TSC22D3: variants seen among roughly 807,000 people sequenced by gnomAD.
The protein encoded by TSC22D3 is TSC22 domain family protein 3.
TSC22D3 carries 4 observed loss-of-function variants against 11.1 expected under a neutral mutation model. The ratio of observed to expected loss-of-function variants is 0.36; its 90% CI spans 0.18 to 0.83. TSC22D3 has a LOEUF of 0.83. Among genes scored for constraint, TSC22D3 ranks in the 40% least tolerant of loss-of-function variants. The pLI is 0.48. For synonymous variants in TSC22D3, 77 were observed against 70.3 expected (o/e 1.10, Z -0.48); for missense variants, 118 against 159.4 (o/e 0.74, Z 1.40).
At chrX:107,723,442 C>T (rs1927455847) in intron 1 of TSC22D3, among the ~76,000 whole-genome samples, 1 of 112,572 alleles carries the variant, frequency 8.9e-6, no homozygotes, top group South Asian at 3.6e-4. Context: ...CTCCTCTCAG[C>T]CTTATACTTA....
intron 1 of TSC22D3, among the ~76,000 whole-genome samples, chrX:107,718,182 G>A (rs1287156286): frequency 1.8e-5 from 2 of 111,960 alleles, no homozygotes; most frequent in African/African-American, 3.3e-5. Context: ...TCAAGCTGAG[G>A]GAAAAAAAAT....
chrX:107,717,976 A>G (rs1475818685), intron 1 of TSC22D3, among the ~76,000 whole-genome samples: 1 of 112,181 alleles, frequency 8.9e-6, no homozygotes, highest in African/African-American at 3.2e-5. Context: ...AGCGAATGAC[A>G]ATAACACTCC....
intron 1 of TSC22D3, among the ~76,000 whole-genome samples, chrX:107,743,667 G>T (rs184844724): frequency 1.8e-5 from 2 of 112,273 alleles, no homozygotes; most frequent in African/African-American, 6.5e-5. Flanking sequence ...GCTGGGCCAG[G>T]TGGGCATCAC....
Position 107,714,432 on chromosome X carries a change from A to C in TSC22D3, c.*87T>G. The C allele has an allele frequency of 1.2e-6, 1 of 864,781 alleles. No homozygotes were observed. Among genetic ancestry groups the C allele is most frequent in the Non-Finnish European group, 1.6e-6 (1 of 618,597 alleles). The allele number at this position is 864,781 out of a possible 1,213,427, so 71.3% of individuals were successfully genotyped here. On this transcript the variant is annotated 3_prime_UTR_variant, in exon 3 of 3. Coordinates refer to ENST00000372383, the MANE Select transcript of TSC22D3 (RefSeq NM_198057.3). ...TGCTAGGTGTAAAGTTCTCCTCGTG[A>C]GATGATGCTTGGGGAGCCAAAAACA... is the stretch of plus-strand genomic sequence containing the variant.
intron 1 of TSC22D3, among the ~76,000 whole-genome samples, chrX:107,735,148 G>GT (rs778529714): frequency 0.024 from 2,523 of 106,926 alleles, 31 homozygotes; most frequent in Non-Finnish European, 0.04. Flanking sequence ...AATTGTTGGG[G>GT]TTTTTTTTTT....
rs149743524 is a variant in TSC22D3, at chrX:107,767,950, C to G, written c.320+7150G>C. ...CTCTCCCCTGAGTTCACTGAGCACA[C>G]AAAATACCCCATCAAATGAACCCAT... On this transcript the variant is annotated intron_variant, in intron 1 of 2. Coordinates refer to ENST00000372383, the MANE Select transcript of TSC22D3 (RefSeq NM_198057.3). 3.0e-3 allele frequency among the ~76,000 whole-genome samples: 337 copies of G among 112,405 alleles called. 2 individuals are homozygous for G. Among genetic ancestry groups the G allele is most frequent in the Admixed American group, 0.026 (278 of 10,683 alleles).
At chrX:107,759,517 G>A (rs1034669976) in intron 1 of TSC22D3, among the ~76,000 whole-genome samples, 1 of 112,123 alleles carries the variant, frequency 8.9e-6, no homozygotes. Context: ...CATCAGATTG[G>A]TGGCAAAGTC....
chrX:107,716,315 C>T, intron 1 of TSC22D3: 1 of 923,083 alleles, frequency 1.1e-6, no homozygotes, highest in African/African-American at 2.0e-5. Context: ...GCAAACCTAC[C>T]CGGCTCTGAA....
Position 107,769,715 on chromosome X carries a change from T to TCACACACACACACACA in TSC22D3, c.320+5369_320+5384dup, listed in dbSNP as rs748668681. 4.6e-3 allele frequency among the ~76,000 whole-genome samples: 464 copies of TCACACACACACACACA among 101,508 alleles called. 4 individuals carry two copies. The highest frequency in any genetic ancestry group is 0.016 in the African/African-American group (442 of 27,129). The allele number at this position is 101,508 out of a possible 115,157, so 88.1% of individuals were successfully genotyped here. Reference sequence around the variant, plus strand: ...TATAATACATCTCTCTCTTTCTCTTTCACACACACACACACACACACACAC... The same window carrying TCACACACACACACACA: ...TATAATACATCTCTCTCTTTCTCTTTCACACACACACACACACACACACACACACACACACACACAC... On this transcript the variant is annotated intron_variant, in intron 1 of 2. Coordinates refer to ENST00000372383, the MANE Select transcript of TSC22D3 (RefSeq NM_198057.3).
Position 107,775,023 on chromosome X carries a change from C to G in TSC22D3, c.320+77G>C, listed in dbSNP as rs911361271. The stretch of plus-strand genomic sequence containing the variant: ...CCCCTCCTGAACTTCCTAGTTGCCC[C>G]TTTTGCCAGAGATGAGGGTGCAGCA... On this transcript the variant is annotated intron_variant, in intron 1 of 2. Coordinates refer to ENST00000372383, the MANE Select transcript of TSC22D3 (RefSeq NM_198057.3). 7.2e-6 allele frequency: 8 copies of G among 1,116,436 alleles called. No individual in the cohort carries two copies. The Admixed American group carries it at 1.8e-4, about 25-fold the overall frequency. The allele number at this position is 1,116,436 out of a possible 1,213,427, so 92.0% of individuals were successfully genotyped here. A position where few individuals can be genotyped will look rare whatever the true frequency, so the allele number is the denominator to read the frequency against.
intron 1 of TSC22D3, among the ~76,000 whole-genome samples, chrX:107,725,426 T>C (rs1927573682): frequency 9.0e-6 from 1 of 111,195 alleles, no homozygotes; most frequent in African/African-American, 3.3e-5. Flanking sequence ...TTCTCAGGTG[T>C]TTTGGACGCA....
In TSC22D3 at chrX:107,716,191, G is replaced by A. The variant is rs1024786857; in HGVS notation, c.321-241C>T. Reference sequence around the variant, plus strand: ...CGCCGCCCCGAGTTCCAACCGATCGGAGCTGCTTGCGAGTCCTGGGGCGCG... The same window carrying A: ...CGCCGCCCCGAGTTCCAACCGATCGAAGCTGCTTGCGAGTCCTGGGGCGCG... On this transcript the variant is annotated intron_variant, in intron 1 of 2. Coordinates refer to ENST00000372383, the MANE Select transcript of TSC22D3 (RefSeq NM_198057.3). The A allele has an allele frequency of 5.5e-6, 4 of 727,334 alleles. No individual in the cohort carries two copies. In the Admixed American group the frequency reaches 1.7e-4, roughly 30 times the overall value. 59.9% of individuals were successfully genotyped at this position (727,334 alleles called of 1,213,427 possible).
chrX:107,714,899 C>A, intron 2 of TSC22D3, 150 bp from the exon 3 acceptor site: 1 of 511,962 alleles, frequency 2.0e-6, no homozygotes, highest in East Asian at 3.5e-5. Context: ...AGTCCAATTC[C>A]TCGTTCACCT....
At chrX:107,736,082 T>G (rs1281346028) in intron 1 of TSC22D3, among the ~76,000 whole-genome samples, 1 of 112,062 alleles carries the variant, frequency 8.9e-6, no homozygotes, top group Non-Finnish European at 1.9e-5. Context: ...CCCTTGCCCT[T>G]TAGGCCTTGG....
At chrX:107,742,019 G>A (rs1406186406) in intron 1 of TSC22D3, among the ~76,000 whole-genome samples, 2 of 111,017 alleles carry the variant, frequency 1.8e-5, no homozygotes, top group Non-Finnish European at 3.8e-5. Flanking sequence ...CTGCCTGTGG[G>A]AGGACTTCAG....
intron 1 of TSC22D3, among the ~76,000 whole-genome samples, chrX:107,758,741 C>T (rs1431194813): frequency 8.9e-6 from 1 of 112,118 alleles, no homozygotes; most frequent in Non-Finnish European, 1.9e-5. Flanking sequence ...ATGCATTGTG[C>T]GTTCAGTGCT....
chrX:107,725,497 C>T (rs1271202402), intron 1 of TSC22D3, among the ~76,000 whole-genome samples: 1 of 111,800 alleles, frequency 8.9e-6, no homozygotes, highest in African/African-American at 3.3e-5. Flanking sequence ...AGGTAAGAGC[C>T]AAGAAAGGGT....
intron 1 of TSC22D3, among the ~76,000 whole-genome samples, chrX:107,718,473 G>T (rs1427965030): frequency 5.3e-5 from 6 of 113,045 alleles, no homozygotes; most frequent in Non-Finnish European, 1.1e-4. Context: ...GAAAAGTACT[G>T]GGGCCTCTTA....
intron 1 of TSC22D3, chrX:107,716,788 G>A (rs1167031083): frequency 2.5e-6 from 3 of 1,207,318 alleles, no homozygotes; most frequent in Non-Finnish European, 3.4e-6. Flanking sequence ...CCTCCATGGG[G>A]GTCTGATACA....
Sources: allele counts gnomAD v4.1 joint callset (sites outside exome capture counted in the v4.1 genomes callset), GRCh38; gene constraint gnomAD v4.1.1; transcripts MANE v1.5; gene names NCBI Gene and HGNC (gene_info 2026-07-23, HGNC 2026-07-21).